FHIT: variants seen among roughly 807,000 people sequenced by gnomAD.
FHIT encodes the protein fragile histidine triad diadenosine triphosphatase.
In FHIT, 19 loss-of-function variants were observed where a neutral mutation model predicts 17.9. The ratio of observed to expected loss-of-function variants is 1.06; its 90% confidence interval spans 0.74 to 1.56. The LOEUF (loss-of-function observed/expected upper bound fraction) is 1.56, where lower values mean the gene tolerates loss of function less well. FHIT is among the 40% of genes most tolerant of loss of function. The probability of loss-of-function intolerance (pLI) is 0.00; values close to 1 mark genes in which losing one functional copy is unlikely to be tolerated. For missense variants in FHIT, 248 were observed against 189.2 expected (o/e 1.31, Z -1.82); for synonymous variants, 81 against 69.7 (o/e 1.16, Z -0.81).
At chr3:60,923,313 T>C (rs1403812928) in intron 3 of FHIT, among the ~76,000 whole-genome samples, 8 of 152,186 alleles carry the variant, frequency 5.3e-5, no homozygotes, top group African/African-American at 1.9e-4. Flanking sequence ...TGCTACTTGC[T>C]AAACATGACA....
chr3:60,175,125 A>G (rs1267911298), intron 5 of FHIT, among the ~76,000 whole-genome samples: 3 of 152,198 alleles, frequency 2.0e-5, no homozygotes, highest in Non-Finnish European at 4.4e-5. Context: ...CTATCCACAG[A>G]GCCCAGCAGT....
intron 9 of FHIT, chr3:59,750,698 G>GTTCAATT: frequency 9.2e-6 from 2 of 217,044 alleles, no homozygotes; most frequent in Non-Finnish European, 1.9e-5. Context: ...CAACAATAGG[G>GTTCAATT]GGCAAGGTAG....
intron 4 of FHIT, among the ~76,000 whole-genome samples, chr3:60,552,437 C>T (rs1393199463): frequency 2.0e-5 from 3 of 152,136 alleles, no homozygotes; most frequent in Admixed American, 6.5e-5. Flanking sequence ...TTTTACATTA[C>T]CACCACCAAT....
intron 3 of FHIT, among the ~76,000 whole-genome samples, chr3:61,011,643 GAT>G (rs1319631043): frequency 1.3e-5 from 2 of 152,052 alleles, no homozygotes; most frequent in East Asian, 3.9e-4. Context: ...TCCTAAAATT[GAT>G]ATGTCTGAAA....
At chr3:60,831,132 G>A (rs1284587483) in intron 3 of FHIT, among the ~76,000 whole-genome samples, 1 of 152,106 alleles carries the variant, frequency 6.6e-6, no homozygotes, top group Non-Finnish European at 1.5e-5. Flanking sequence ...TTAAGTGATG[G>A]CACTTGAGGA....
chr3:59,759,179 A>G (rs145094373), intron 8 of FHIT, among the ~76,000 whole-genome samples: 1 of 152,116 alleles, frequency 6.6e-6, no homozygotes, highest in Non-Finnish European at 1.5e-5. Context: ...GTTGGGTAAC[A>G]GGCTGGAAGA....
chr3:60,045,935 G>C (rs1431030276), intron 5 of FHIT, among the ~76,000 whole-genome samples: 3 of 152,146 alleles, frequency 2.0e-5, no homozygotes, highest in African/African-American at 7.2e-5. Context: ...CAGGAAGGAG[G>C]GTTAGGGTGG....
chr3:60,308,676 T>A (rs1708799555), intron 5 of FHIT, among the ~76,000 whole-genome samples: 1 of 152,074 alleles, frequency 6.6e-6, no homozygotes, highest in Non-Finnish European at 1.5e-5. Context: ...GAACACAACA[T>A]TGTTTTAAGA....
chr3:60,294,808 T>G (rs12495450), intron 5 of FHIT, among the ~76,000 whole-genome samples: 7 of 152,296 alleles, frequency 4.6e-5, no homozygotes, highest in African/African-American at 1.4e-4. Flanking sequence ...CCTTTTGAAA[T>G]TGGCTTTTTA....
intron 3 of FHIT, among the ~76,000 whole-genome samples, chr3:61,036,926 T>G (rs1433997747): frequency 6.0e-5 from 9 of 150,526 alleles, no homozygotes; most frequent in Admixed American, 2.0e-4. Flanking sequence ...TTGTTTGTTT[T>G]TTTGAGATGG....
chr3:61,197,031 A>G (rs2038871817), intron 2 of FHIT, among the ~76,000 whole-genome samples: 1 of 152,156 alleles, frequency 6.6e-6, no homozygotes, highest in Admixed American at 6.5e-5. Context: ...AAATGTGAAT[A>G]CCCAGCACAA....
At chr3:60,666,690 AC>A (rs2040388252) in intron 4 of FHIT, among the ~76,000 whole-genome samples, 1 of 152,088 alleles carries the variant, frequency 6.6e-6, no homozygotes, top group African/African-American at 2.4e-5. Flanking sequence ...TTTGTTTGAG[AC>A]AGGATCTCCC....
chr3:60,870,792 G>C (rs372490801), intron 3 of FHIT, among the ~76,000 whole-genome samples: 4 of 152,042 alleles, frequency 2.6e-5, no homozygotes, highest in Non-Finnish European at 4.4e-5. Context: ...CTAGGTTACC[G>C]CGTCTCACAA....
rs545176917 is a variant in FHIT, at chr3:60,283,861, A to C, written c.103+252999T>G. Among the ~76,000 whole-genome samples the C allele has an allele frequency of 6.6e-4, 100 of 152,238 alleles. 1 individual carries two copies. The highest frequency in any genetic ancestry group is 6.8e-3 in the Middle Eastern group (2 of 294). ...TGGGCCAAAGGTATACAATAGGGAA[A>C]ATAAAAGAAGTTTCTAGGGCACTGC... On this transcript the variant is annotated intron_variant, in intron 5 of 9. Coordinates refer to ENST00000492590, the MANE Select transcript of FHIT (RefSeq NM_002012.4).
At chr3:60,455,500 G>A (rs1346078737) in intron 5 of FHIT, among the ~76,000 whole-genome samples, 1 of 152,140 alleles carries the variant, frequency 6.6e-6, no homozygotes, top group African/African-American at 2.4e-5. Flanking sequence ...TTTAGTGTGA[G>A]GATCAAAATG....
chr3:60,699,801 A>AAAATGCTACAGATAAT (rs138987576), intron 4 of FHIT, among the ~76,000 whole-genome samples: 17,540 of 151,728 alleles, frequency 0.12, 2,246 homozygotes, highest in African/African-American at 0.32. Flanking sequence ...ACAATGAGAA[A>AAAATGCTACAGATAAT]AATCATTTTA....
At chr3:60,860,151 T>TAC (rs1703593301) in intron 3 of FHIT, among the ~76,000 whole-genome samples, 5 of 76,260 alleles carry the variant, frequency 6.6e-5, no homozygotes, top group African/African-American at 1.4e-4. Context: ...ACATATGGTA[T>TAC]ATATGATATA....
intron 5 of FHIT, among the ~76,000 whole-genome samples, chr3:60,466,333 G>A (rs1213048328): frequency 6.6e-6 from 1 of 151,876 alleles, no homozygotes; most frequent in Non-Finnish European, 1.5e-5. Context: ...CTGCAAACAA[G>A]GATAATTTGA....
intron 7 of FHIT, among the ~76,000 whole-genome samples, chr3:59,969,731 T>G (rs571897439): frequency 4.5e-4 from 69 of 152,016 alleles, no homozygotes; most frequent in African/African-American, 1.6e-3. Context: ...GCCTATAAGG[T>G]GACTTTAGTA....
Sources: allele counts gnomAD v4.1 joint callset (sites outside exome capture counted in the v4.1 genomes callset), GRCh38; gene constraint gnomAD v4.1.1; transcripts MANE v1.5; gene names NCBI Gene and HGNC (gene_info 2026-07-23, HGNC 2026-07-21).